CEP170B: variants seen among roughly 807,000 people sequenced by gnomAD.
CEP170B encodes centrosomal protein of 170 kDa protein B.
Under a neutral mutation model 120.6 loss-of-function variants are expected in CEP170B, and 55 were observed. That is an observed-to-expected ratio of 0.46 (90% confidence interval 0.37 to 0.57). The LOEUF is 0.57. Ranked by LOEUF, CEP170B falls within the 20% of genes least tolerant of loss-of-function variation. The pLI is 0.00. For synonymous variants in CEP170B, 1,033 were observed against 954.5 expected, an observed-to-expected ratio of 1.08 and a Z score of -1.52; for missense variants, 2,212 against 2,253.3, an observed-to-expected ratio of 0.98 and a Z score of 0.37.
chr14:104,886,351 G>A lies in CEP170B; in HGVS notation c.2112G>A (p.Leu704=). ...PVRMRRRLPQ[L]PSERADSPAG... ...GCATGCGGCGACGGCTCCCTCAGCT[G>A]CCCAGTGAGAGGGCTGACAGCCCTG... Residue 704 remains leucine (L), a synonymous_variant, in exon 12 of 19, where the codon CTG becomes CTA. Coordinates refer to ENST00000414716, the MANE Select transcript of CEP170B (RefSeq NM_001112726.3). The A allele has an allele frequency of 1.9e-6, 3 of 1,572,492 alleles. No individual in the cohort carries two copies. The highest frequency in any genetic ancestry group is 2.6e-6 in the Non-Finnish European group (3 of 1,161,668).
rs1161574846 is a variant in CEP170B at position 104,876,207 on chromosome 14, G to T, written c.106-49G>T. 7.2e-6 allele frequency: 11 copies of T among 1,536,252 alleles called. 1 individual carries two copies. Among genetic ancestry groups the T allele is most frequent in the Non-Finnish European group, 9.7e-6 (11 of 1,135,094 alleles). ...GCAGGGGTGCCTCTGCCTCTTGGGT[G>T]TCACCTCCTCCCCTGGAGCACCTGA... is the stretch of plus-strand genomic sequence containing the variant. On this transcript the variant is annotated intron_variant, in intron 2 of 18. Transcript: ENST00000414716.
chr14:104,885,279 C>G, intron 9 of CEP170B, 90 bp from the exon 10 acceptor site: 1 of 1,399,672 alleles, frequency 7.1e-7, no homozygotes, highest in Admixed American at 2.9e-5. Context: ...TCCCTGCTCT[C>G]CCTGTGGCCT....
intron 10 of CEP170B, 132 bp from the exon 11 acceptor site, chr14:104,885,907 GC>G: frequency 1.2e-6 from 1 of 815,930 alleles, no homozygotes. Flanking sequence ...GCTTGCTCAT[GC>G]GGCAGGCCCT....
intron 2 of CEP170B, among the ~76,000 whole-genome samples, chr14:104,875,111 T>G (rs1246447473): frequency 6.6e-6 from 1 of 152,020 alleles, no homozygotes. Flanking sequence ...GCTGCCAGGG[T>G]GGCCTGCACG....
intron 3 of CEP170B, 26 bp downstream of exon 3, chr14:104,876,371 C>T (rs1483405857): frequency 6.5e-7 from 1 of 1,547,224 alleles, no homozygotes; most frequent in Admixed American, 2.0e-5. Flanking sequence ...CCTGGCCTGG[C>T]CTTTTAACAG....
At position 104,894,835 on chromosome 14, in the gene CEP170B, CGCCTCAGCCGAG is replaced by C. The variant is rs777445340; in HGVS notation, c.4546_4557del (p.Ser1516_Ala1519del). ...TGGCTGCCCAGAGCCCACCCTCACCCGCCTCAGCCGAGGCCCTGCTGCCAGCCCTGCCCCTGA... is the reference window on the plus strand; with the variant it reads ...TGGCTGCCCAGAGCCCACCCTCACCCGCCCTGCTGCCAGCCCTGCCCCTGA... On this transcript the variant is annotated inframe_deletion, in exon 19 of 19. Transcript: ENST00000414716. 8.3e-5 allele frequency: 133 copies of C among 1,609,344 alleles called. No individual in the cohort carries two copies. The highest frequency in any genetic ancestry group is 1.1e-4 in the Non-Finnish European group (127 of 1,178,960).
At chr14:104,865,097 C>T (rs1895124392), upstream of CEP170B, among the ~76,000 whole-genome samples, 2 of 151,010 alleles carry the variant, frequency 1.3e-5, no homozygotes, top group Non-Finnish European at 3.0e-5. The surrounding 1 kb of genome is among the most constrained non-coding windows in gnomAD (Gnocchi z 6.7). Context: ...CAAGCCTCTG[C>T]CGACCGGACC....
chr14:104,877,803 C>T, intron 3 of CEP170B, 82 bp from the exon 4 acceptor site: 1 of 639,128 alleles, frequency 1.6e-6, no homozygotes, highest in Non-Finnish European at 2.5e-6. Context: ...CCCACCTGCT[C>T]AGCCCCACCA....
intron 10 of CEP170B, 77 bp downstream of exon 10, chr14:104,885,619 G>A (rs761230284): frequency 1.7e-5 from 26 of 1,489,064 alleles, no homozygotes; most frequent in East Asian, 5.0e-5. Context: ...TGGGGTCAGC[G>A]GGCCCCCCAT....
At position 104,884,495 on chromosome 14, in the gene CEP170B, C is replaced by T. The variant is rs775562903; in HGVS notation, c.1716C>T (p.Ile572=). Residue 572 remains isoleucine (I), a synonymous_variant, in exon 9 of 19, where the codon ATC becomes ATT. Transcript: ENST00000414716. ...TCAGTGACGCAGGGACATACACCAT[C>T]GAGACCGAGGCGCAGGACACGGAGG... ...DSLSDAGTYT[I]ETEAQDTEVE... is the part of the protein sequence containing the mutation. The T allele has an allele frequency of 3.2e-6, 5 of 1,565,008 alleles. No homozygotes were observed. Among genetic ancestry groups the T allele is most frequent in the East Asian group, 2.3e-5 (1 of 42,668 alleles).
In CEP170B at chr14:104,883,271, G is replaced by A; in HGVS notation, c.814G>A (p.Glu272Lys). The A allele has an allele frequency of 3.7e-6, 6 of 1,611,646 alleles. No homozygotes were observed. Among genetic ancestry groups the A allele is most frequent in the African/African-American group, 1.3e-5 (1 of 74,740 alleles). ...GCAGAGCCACGCCTCCTTCACCATC[G>A]AGTTTGATGACTGCAGCCCTGGCAA... ...VVQSHASFTI[E>K]FDDCSPGKMK... The change falls in exon 8 of 19, where the codon GAG (glutamate) becomes AAG (lysine). Residue 272 changes from glutamate (E) to lysine (K), a missense_variant. Transcript: ENST00000414716.
chr14:104,872,401 GCGTGGGTGTGC>G (rs142351707), intron 2 of CEP170B, among the ~76,000 whole-genome samples: 1,885 of 78,098 alleles, frequency 0.024, 146 homozygotes, highest in Non-Finnish European at 0.04. Flanking sequence ...CCGTGGGTGT[GCGTGGGTGTGC>G]CGTGGGTGTG....
chr14:104,889,081 A>G (rs1415019130), intron 12 of CEP170B, among the ~76,000 whole-genome samples: 2 of 152,228 alleles, frequency 1.3e-5, no homozygotes, highest in Non-Finnish European at 2.9e-5. Flanking sequence ...TCAAGCAGGC[A>G]GCAGGGAGGG....
chr14:104,869,993 T>G (rs1444570063), intron 2 of CEP170B, among the ~76,000 whole-genome samples: 1 of 152,234 alleles, frequency 6.6e-6, no homozygotes, highest in Non-Finnish European at 1.5e-5. Context: ...GGTTGGTTGT[T>G]CCGGCTCTGA....
At chr14:104,894,196 C>G in intron 16 of CEP170B, 89 bp from the exon 17 acceptor site, 1 of 1,071,132 alleles carries the variant, frequency 9.3e-7, no homozygotes, top group Non-Finnish European at 1.4e-6. Context: ...TGAACTTCAC[C>G]ATGGCAGAGG....
chr14:104,880,978 A>C lies in CEP170B; in HGVS notation c.472+553A>C, dbSNP rs945266304. 2.0e-5 allele frequency among the ~76,000 whole-genome samples: 3 copies of C among 152,154 alleles called. No homozygotes were observed. In the East Asian group the frequency reaches 5.8e-4, roughly 29 times the overall value. On this transcript the variant is annotated intron_variant, in intron 6 of 18. Coordinates refer to ENST00000414716, the MANE Select transcript of CEP170B (RefSeq NM_001112726.3). ...GTGCACGCCTGCACCCCTTGAGCCC[A>C]CAGTTCTTGTGGGGTTGGTGGGCCA... is the stretch of plus-strand genomic sequence containing the variant.
chr14:104,893,406 GCA>G, intron 14 of CEP170B, 115 bp from the exon 15 acceptor site: 3 of 1,310,122 alleles, frequency 2.3e-6, no homozygotes, highest in Non-Finnish European at 3.1e-6. Flanking sequence ...GAGGGACCTT[GCA>G]CAGACGGAAG....
chr14:104,877,912 G>C lies in CEP170B; in HGVS notation c.223G>C (p.Asp75His). 6.7e-7 allele frequency: 1 copy of C among 1,496,822 alleles called. No homozygotes were observed. Among genetic ancestry groups the C allele is most frequent in the South Asian group, 1.1e-5 (1 of 88,534 alleles). 92.7% of individuals were successfully genotyped at this position (1,496,822 alleles called of 1,614,324 possible). ...GTFVNDMRIPDQKYVTLKLND... is the reference protein window; with the variant it reads ...GTFVNDMRIPHQKYVTLKLND... ...GTTTGTGAATGACATGCGCATCCCG[G>C]ACCAGAAGTACGTCACGCTGAAGCT... The change falls in exon 4 of 19, where the codon GAC becomes CAC. Residue 75 changes from aspartate (D) to histidine (H), a missense_variant. Around this residue, in one of 2 missense-constraint regions of CEP170B, gnomAD observed 2,166 missense variants for 2,166.7 expected, o/e 1.00. Coordinates refer to ENST00000414716, the MANE Select transcript of CEP170B (RefSeq NM_001112726.3).
chr14:104,880,420 G>A lies in CEP170B; in HGVS notation c.467G>A (p.Gly156Glu), dbSNP rs1409832324. Residue 156 changes from glycine to glutamate, a missense_variant, in exon 6 of 19, where the codon GGA (glycine) becomes GAA (glutamate). Transcript: ENST00000414716. ...PRPEKGDRRP[G>E]TEAASYRTPL... ...CCGGAGAAGGGGGACCGGAGACCAGGAACAGGTAGGCCCAGGCAGTGCGGA... is the reference window on the plus strand; with the variant it reads ...CCGGAGAAGGGGGACCGGAGACCAGAAACAGGTAGGCCCAGGCAGTGCGGA... The A allele has an allele frequency of 6.2e-7, 1 of 1,612,028 alleles. No individual in the cohort carries two copies. The highest frequency in any genetic ancestry group is 1.1e-5 in the South Asian group (1 of 90,924).
Sources: allele counts gnomAD v4.1 joint callset (sites outside exome capture counted in the v4.1 genomes callset), GRCh38; gene constraint gnomAD v4.1.1; regional missense constraint gnomAD v4.1.1; non-coding constraint Gnocchi (gnomAD v3.1); transcripts MANE v1.5; gene names NCBI Gene and HGNC (gene_info 2026-07-23, HGNC 2026-07-21).